Variants in ATG16L2 observed in about 807,000 individuals in gnomAD.
ATG16L2 encodes autophagy related 16 like 2, also known as protein Atg16l2.
In ATG16L2, 77 loss-of-function variants were observed where a neutral mutation model predicts 84.7. That is an observed-to-expected ratio of 0.91 (90% confidence interval 0.76 to 1.10). The LOEUF (loss-of-function observed/expected upper bound fraction) is 1.10. ATG16L2 is among the 50% of genes least tolerant of loss of function. ATG16L2 has a pLI of 0.00. For synonymous variants in ATG16L2, 361 were observed against 342.8 expected, an observed-to-expected ratio of 1.05 and a Z score of -0.59; for missense variants, 782 against 817.6, an observed-to-expected ratio of 0.96 and a Z score of 0.53.
In ATG16L2 at chr11:72,829,396, C is replaced by T. The variant is rs374634166; in HGVS notation, c.*6C>T. Reference sequence around the variant, plus strand: ...AGGTTGTGCTCTGGCAGTAGGGCCACGACCTGCCTGCCTGGGCTGGAGCTC... The same window carrying T: ...AGGTTGTGCTCTGGCAGTAGGGCCATGACCTGCCTGCCTGGGCTGGAGCTC... On this transcript the variant is annotated 3_prime_UTR_variant, in exon 18 of 18. Coordinates refer to ENST00000321297, the MANE Select transcript of ATG16L2 (RefSeq NM_033388.2). 2.2e-5 allele frequency: 35 copies of T among 1,608,296 alleles called. No homozygotes were observed. The South Asian group carries it at 2.8e-4, about 13-fold the overall frequency.
At position 72,826,193 on chromosome 11, in the gene ATG16L2, AC is replaced by A; in HGVS notation, c.1126del (p.Leu376TrpfsTer21). 1.2e-6 allele frequency: 2 copies of A among 1,613,818 alleles called. No homozygotes were observed. Among genetic ancestry groups the A allele is most frequent in the Non-Finnish European group, 1.7e-6 (2 of 1,179,814 alleles). ...CCCAGGTCGCCTGGAGGCCAACCAG[AC>A]CCTGGAGGGAGCTGGTGGCAGCATC... ...VVGSRLEANQ[T>X]LEGAGGSITS... On this transcript the variant is annotated frameshift_variant, in exon 11 of 18. Transcript: ENST00000321297. LOFTEE classifies it high-confidence loss of function.
intron 10 of ATG16L2, 131 bp downstream of exon 10, chr11:72,825,538 A>G: frequency 1.4e-6 from 1 of 711,800 alleles, no homozygotes. Context: ...GGCAGTGACT[A>G]GACAATGCCT....
chr11:72,840,817 T>C lies in ATG16L2; in HGVS notation c.*22-1800T>C, dbSNP rs180837744. On this transcript the variant is annotated intron_variant, in intron 5 of 5. Coordinates refer to the ATG16L2 transcript ENST00000534905. ...ACAGGGGCCACGGGGAAACATTAAT[T>C]CCTTACTTTCAATTTGGAAGAACTA... 2.1e-4 allele frequency: 266 copies of C among 1,249,892 alleles called. 1 individual carries two copies. In the East Asian group the frequency reaches 6.1e-3, roughly 29 times the overall value. The allele number at this position is 1,249,892 out of a possible 1,614,324, so 77.4% of individuals were successfully genotyped here.
At position 72,822,371 on chromosome 11, in the gene ATG16L2, G is replaced by T; in HGVS notation, c.644+76G>T. 6.3e-7 allele frequency: 1 copy of T among 1,574,866 alleles called. No homozygotes were observed. ...GAGGAGTCGGGCCTCGCCGGTGTCT[G>T]GAAGGGAGGGGGGCAGCAGCCGCCC... On this transcript the variant is annotated intron_variant, in intron 5 of 17. Coordinates refer to ENST00000321297, the MANE Select transcript of ATG16L2 (RefSeq NM_033388.2). The surrounding 1 kb of genome is among the most constrained non-coding windows in gnomAD (Gnocchi z 4.2).
intron 8 of ATG16L2, 188 bp downstream of exon 8, chr11:72,824,310 C>T: frequency 6.0e-6 from 4 of 664,434 alleles, no homozygotes; most frequent in Non-Finnish European, 1.0e-5. Context: ...AGCTGTCTTC[C>T]AGGTTCTGTC....
intron 9 of ATG16L2, 85 bp downstream of exon 9, chr11:72,824,927 A>G: frequency 1.7e-6 from 2 of 1,197,566 alleles, no homozygotes; most frequent in Non-Finnish European, 2.3e-6. Context: ...GGGTGGTCCC[A>G]AGAGGCCAGG....
intron 9 of ATG16L2, 61 bp downstream of exon 9, chr11:72,824,903 G>A: frequency 7.1e-7 from 1 of 1,416,860 alleles, no homozygotes; most frequent in Non-Finnish European, 9.6e-7. Context: ...GCACAGGGGT[G>A]GTCTCGGCAC....
At chr11:72,827,083 C>G in intron 13 of ATG16L2, 105 bp from the exon 14 acceptor site, 1 of 973,390 alleles carries the variant, frequency 1.0e-6, no homozygotes, top group Non-Finnish European at 1.6e-6. Context: ...GGGTTCTAGT[C>G]TTGGGAGGAC....
Position 72,822,543 on chromosome 11 carries a change from A to T in ATG16L2, c.710A>T (p.Glu237Val). Residue 237 changes from glutamate (E) to valine (V), a missense_variant and splice_region_variant, in exon 6 of 18, where the codon GAG becomes GTG. Coordinates refer to ENST00000321297, the MANE Select transcript of ATG16L2 (RefSeq NM_033388.2). The surrounding 1 kb of genome is among the most constrained non-coding windows in gnomAD (Gnocchi z 4.2). ...GCCAAGCGGACCGTGAGCATCAGCG[A>T]GTAAGAGTGGGGATGGGCCGGTCCG... ...KAAKRTVSISEGPDTLGDGMR... is the reference protein window; with the variant it reads ...KAAKRTVSISVGPDTLGDGMR... 6.2e-7 allele frequency: 1 copy of T among 1,612,696 alleles called. No homozygotes were observed. The highest frequency in any genetic ancestry group is 8.5e-7 in the Non-Finnish European group (1 of 1,179,406).
chr11:72,821,449 A>T (rs1859985359), intron 3 of ATG16L2: 2 of 1,378,086 alleles, frequency 1.5e-6, no homozygotes, highest in African/African-American at 1.5e-5. Flanking sequence ...CACGGCGAGG[A>T]TTGGGACCCA....
rs1434329834 is a variant in ATG16L2, at chr11:72,824,831, C to T, written c.985C>T (p.Gln329Ter). 1.4e-5 allele frequency: 23 copies of T among 1,592,474 alleles called. No individual in the cohort carries two copies. Among genetic ancestry groups the T allele is most frequent in the Non-Finnish European group, 1.9e-5 (22 of 1,169,026 alleles). ...GGCTGCCCGACTTCCTACCCGGGCTCAGGATGTGCTGGTAAGGGAGGAGCT... is the reference window on the plus strand; with the variant it reads ...GGCTGCCCGACTTCCTACCCGGGCTTAGGATGTGCTGGTAAGGGAGGAGCT... ...CVAARLPTRA[Q>*]DVLDAHLSEV... The change falls in exon 9 of 18, where the codon CAG (glutamine) becomes TAG (stop). Residue 329 changes from glutamine to a stop codon, truncating the protein, a stop_gained. Transcript: ENST00000321297. LOFTEE classifies it high-confidence loss of function.
At chr11:72,828,576 T>C (rs1266073777) in intron 15 of ATG16L2, 68 bp downstream of exon 15, 7 of 1,605,822 alleles carry the variant, frequency 4.4e-6, no homozygotes, top group East Asian at 2.2e-5. Flanking sequence ...TCTCCTGTAA[T>C]AGACCCTCTT....
intron 1 of ATG16L2, 112 bp from the exon 2 acceptor site, chr11:72,816,616 C>T: frequency 2.4e-6 from 2 of 831,788 alleles, no homozygotes. Flanking sequence ...GAAGCTTCCC[C>T]ATCCCTAGCA....
At chr11:72,827,610 A>G (rs986313193) in intron 14 of ATG16L2, among the ~76,000 whole-genome samples, 2 of 152,236 alleles carry the variant, frequency 1.3e-5, no homozygotes, top group African/African-American at 4.8e-5. Flanking sequence ...TTTTTAAACC[A>G]AAGACCCTAA....
downstream of ATG16L2, among the ~76,000 whole-genome samples, chr11:72,831,326 G>A (rs908472967): frequency 6.6e-6 from 1 of 152,222 alleles, no homozygotes; most frequent in South Asian, 2.1e-4. Context: ...GAGCAACATA[G>A]TGAAACCTTG....
chr11:72,826,535 A>G lies in ATG16L2; in HGVS notation c.1191A>G (p.Ala397=). The G allele has an allele frequency of 6.2e-7, 1 of 1,614,094 alleles. No individual in the cohort carries two copies. Among genetic ancestry groups the G allele is most frequent in the South Asian group, 1.1e-5 (1 of 91,068 alleles). Residue 397 remains alanine, a synonymous_variant, in exon 12 of 18, where the codon GCA becomes GCG. Coordinates refer to ENST00000321297, the MANE Select transcript of ATG16L2 (RefSeq NM_033388.2). ...TTCTCCAGGGCTACCAGGTTTTAGC[A>G]GCAACTTACAACCAGGCTGCCCAGC... ...DFDPSGYQVL[A]ATYNQAAQLW...
chr11:72,822,313 G>A lies in ATG16L2; in HGVS notation c.644+18G>A, dbSNP rs971709832. 8 of 1,520,158 alleles carry A rather than the reference G, an allele frequency of 5.3e-6. No homozygotes were observed. The African/African-American group carries it at 1.1e-4, about 21-fold the overall frequency. The allele number at this position is 1,520,158 out of a possible 1,614,324, so 94.2% of individuals were successfully genotyped here. A position where few individuals can be genotyped will look rare whatever the true frequency, so the allele number is the denominator to read the frequency against. Reference sequence around the variant, plus strand: ...CGGGAGCGGTGAGGGAGCAGGCCCCGCCCCTCCTGAGGAAAGGCCCCGCCC... The same window carrying A: ...CGGGAGCGGTGAGGGAGCAGGCCCCACCCCTCCTGAGGAAAGGCCCCGCCC... On this transcript the variant is annotated intron_variant, in intron 5 of 17. Transcript: ENST00000321297. The surrounding 1 kb of genome is among the most constrained non-coding windows in gnomAD (Gnocchi z 4.2).
At chr11:72,841,279 C>T (rs772752797) in intron 5 of ATG16L2, among the ~76,000 whole-genome samples, 2 of 137,258 alleles carry the variant, frequency 1.5e-5, no homozygotes, top group Non-Finnish European at 3.0e-5. Flanking sequence ...TGCTATGAGC[C>T]GTGATCATGC....
intron 5 of ATG16L2, chr11:72,842,603 G>A: frequency 6.2e-7 from 1 of 1,613,740 alleles, no homozygotes; most frequent in Non-Finnish European, 8.5e-7. Flanking sequence ...TAATTCAACT[G>A]TCTCCCCTCT....
Sources: allele counts gnomAD v4.1 joint callset (sites outside exome capture counted in the v4.1 genomes callset), GRCh38; gene constraint gnomAD v4.1.1; non-coding constraint Gnocchi (gnomAD v3.1); transcripts MANE v1.5; gene names NCBI Gene and HGNC (gene_info 2026-07-23, HGNC 2026-07-21).